PACRG: variants seen among roughly 807,000 people sequenced by gnomAD.
PACRG encodes the protein parkin coregulated.
Under a neutral mutation model 29.7 loss-of-function variants are expected in PACRG, and 29 were observed. The observed-to-expected ratio is 0.98, with a 90% confidence interval of 0.73 to 1.33. PACRG has a LOEUF of 1.33. Among genes scored for constraint, PACRG ranks in the 40% most tolerant of loss-of-function variants. The probability of loss-of-function intolerance (pLI) is 0.00; values close to 1 mark genes in which losing one functional copy is unlikely to be tolerated. For missense variants in PACRG, 279 were observed against 316.2 expected, an observed-to-expected ratio of 0.88 and a Z score of 0.89; for synonymous variants, 116 against 118.7, an observed-to-expected ratio of 0.98 and a Z score of 0.15.
intron 2 of PACRG, among the ~76,000 whole-genome samples, chr6:162,980,175 C>CAT (rs570197115): frequency 6.2e-5 from 4 of 64,838 alleles, no homozygotes; most frequent in African/African-American, 1.6e-4. Context: ...CACACATACA[C>CAT]ACACACACAC....
chr6:162,814,273 G>A lies in PACRG; in HGVS notation c.283G>A (p.Ala95Thr), dbSNP rs763185634. 67 of 1,613,398 alleles carry A rather than the reference G, an allele frequency of 4.2e-5. 1 individual carries two copies. Among genetic ancestry groups the A allele is most frequent in the South Asian group, 2.6e-4 (24 of 91,026 alleles). Reference protein sequence around the residue: ...LEHDSKGNKIAWKVEIEKLDY... With the variant: ...LEHDSKGNKITWKVEIEKLDY... ...GCATGATTCGAAAGGAAACAAAATC[G>A]CCTGGAAGGTAAGTCAGGGCACAGC... is the stretch of plus-strand genomic sequence containing the variant. Residue 95 changes from alanine to threonine, a missense_variant, in exon 2 of 5, where the codon GCC becomes ACC. Ala to Thr is a moderately conservative substitution (Grantham distance 58). Transcript: ENST00000366888.
intron 4 of PACRG, among the ~76,000 whole-genome samples, chr6:163,128,435 G>T (rs1816600923): frequency 6.6e-6 from 1 of 152,160 alleles, no homozygotes. Context: ...AAACTGATAG[G>T]CTCCATTAGA....
At chr6:163,139,500 G>T (rs953417340) in intron 4 of PACRG, among the ~76,000 whole-genome samples, 1 of 151,970 alleles carries the variant, frequency 6.6e-6, no homozygotes, top group African/African-American at 2.4e-5. Context: ...TGTTTTCACT[G>T]TCTAATGGGT....
intron 3 of PACRG, among the ~76,000 whole-genome samples, chr6:163,067,802 T>C (rs2128274845): frequency 6.6e-6 from 1 of 152,332 alleles, no homozygotes; most frequent in Middle Eastern, 3.4e-3. Flanking sequence ...CACTAATTAA[T>C]GATCACATAA....
At chr6:163,181,189 A>G (rs1240922532) in intron 4 of PACRG, among the ~76,000 whole-genome samples, 1 of 152,212 alleles carries the variant, frequency 6.6e-6, no homozygotes, top group South Asian at 2.1e-4. Context: ...ACCGAGTCAG[A>G]CTGACCCTGA....
intron 4 of PACRG, among the ~76,000 whole-genome samples, chr6:163,215,118 T>A (rs1040691085): frequency 1.4e-5 from 2 of 147,998 alleles, no homozygotes; most frequent in African/African-American, 4.9e-5. Context: ...AGTCACGGCA[T>A]TTTTTTTTTG....
At chr6:162,873,630 A>G (rs929102420) in intron 2 of PACRG, among the ~76,000 whole-genome samples, 3 of 152,162 alleles carry the variant, frequency 2.0e-5, no homozygotes, top group Admixed American at 6.5e-5. Context: ...GCAAACCAGG[A>G]TGACCCTCTT....
intron 4 of PACRG, among the ~76,000 whole-genome samples, chr6:163,230,655 T>C (rs6455875): frequency 0.71 from 108,336 of 151,844 alleles, 39,556 homozygotes; most frequent in African/African-American, 0.87. Context: ...TATGTGTCTA[T>C]ATGTCTGTTT....
At chr6:162,775,250 G>A (rs1171975858) in intron 1 of PACRG, among the ~76,000 whole-genome samples, 1 of 152,130 alleles carries the variant, frequency 6.6e-6, no homozygotes, top group Non-Finnish European at 1.5e-5. Flanking sequence ...CTTCTGAAAC[G>A]ATGAGAAATA....
chr6:163,169,306 G>C (rs960396064), intron 4 of PACRG, among the ~76,000 whole-genome samples: 1 of 152,200 alleles, frequency 6.6e-6, no homozygotes, highest in African/African-American at 2.4e-5. Context: ...GAAGGAAAGA[G>C]AGCACCTTTC....
At chr6:163,235,302 C>A (rs1442115580) in intron 4 of PACRG, among the ~76,000 whole-genome samples, 2 of 152,174 alleles carry the variant, frequency 1.3e-5, no homozygotes, top group Admixed American at 1.3e-4. Flanking sequence ...AGATATATTT[C>A]TTCTCCATTG....
chr6:163,035,680 TGGTG>T (rs1808105812), intron 2 of PACRG, among the ~76,000 whole-genome samples: 1 of 149,544 alleles, frequency 6.7e-6, no homozygotes, highest in African/African-American at 2.5e-5. Flanking sequence ...GAGCCAGGCA[TGGTG>T]GTGTGTGCCT....
At chr6:163,223,783 G>A (rs1781678295) in intron 4 of PACRG, among the ~76,000 whole-genome samples, 1 of 152,144 alleles carries the variant, frequency 6.6e-6, no homozygotes, top group Non-Finnish European at 1.5e-5. Flanking sequence ...GAGGGAGCTG[G>A]TCCACAAACA....
intron 1 of PACRG, among the ~76,000 whole-genome samples, chr6:162,744,267 G>C (rs970646664): frequency 6.6e-6 from 1 of 152,066 alleles, no homozygotes; most frequent in Non-Finnish European, 1.5e-5. Flanking sequence ...CAGATCATTT[G>C]TTTCAGTGGG....
At chr6:162,727,704 A>T, upstream of PACRG, 2 of 1,561,626 alleles carry the variant, frequency 1.3e-6, no homozygotes, top group Non-Finnish European at 1.7e-6. Context: ...GGCCAGGAAC[A>T]GGCCCATGCG....
chr6:163,025,541 A>C (rs1446733718), intron 2 of PACRG, among the ~76,000 whole-genome samples: 2 of 152,248 alleles, frequency 1.3e-5, no homozygotes, highest in African/African-American at 4.8e-5. Flanking sequence ...GAGGTGGGCC[A>C]TTCTTTGATG....
intron 2 of PACRG, among the ~76,000 whole-genome samples, chr6:162,929,944 A>AT (rs2128104856): frequency 6.6e-6 from 1 of 151,838 alleles, no homozygotes; most frequent in East Asian, 1.9e-4. Flanking sequence ...CTATGTGTCC[A>AT]TTTTTATGCC....
intron 2 of PACRG, among the ~76,000 whole-genome samples, chr6:162,929,260 A>G (rs987844783): frequency 6.6e-4 from 100 of 152,044 alleles, no homozygotes; most frequent in African/African-American, 2.4e-3. Flanking sequence ...CCCGTTCTTG[A>G]CATTCCCACC....
At chr6:162,730,792 T>C (rs9347684) in intron 1 of PACRG, among the ~76,000 whole-genome samples, 27,031 of 152,162 alleles carry the variant, frequency 0.18, 2,932 homozygotes, top group East Asian at 0.48. Context: ...AGCCCTGCAA[T>C]GAAATAATAT....
Sources: gnomAD v4.1 joint callset for allele counts (sites outside exome capture counted in the v4.1 genomes callset) on GRCh38, gnomAD v4.1.1 for gene constraint, MANE v1.5 for transcripts, NCBI Gene and HGNC (gene_info 2026-07-23, HGNC 2026-07-21) for gene names.